Variants in PSD3 observed in about 807,000 individuals in gnomAD.
PSD3 encodes the protein pleckstrin and Sec7 domain containing 3.
Under a neutral mutation model 105.5 loss-of-function variants are expected in PSD3, and 49 were observed. The observed-to-expected ratio is 0.46, with a 90% CI of 0.37 to 0.59. The LOEUF (loss-of-function observed/expected upper bound fraction) is 0.59, where lower values mean the gene tolerates loss of function less well. Among genes scored for constraint, PSD3 ranks in the 20% least tolerant of loss-of-function variants. The pLI is 0.00. For missense variants in PSD3, 1,561 were observed against 1,263.8 expected, an observed-to-expected ratio of 1.24 and a Z score of -3.57; for synonymous variants, 557 against 457.8, an observed-to-expected ratio of 1.22 and a Z score of -2.77.
chr8:18,908,573 C>T (rs1339640761), intron 2 of PSD3, among the ~76,000 whole-genome samples: 1 of 152,198 alleles, frequency 6.6e-6, no homozygotes, highest in Admixed American at 6.5e-5. Context: ...TCCCTGACTT[C>T]CCGTTCTGAT....
chr8:18,961,576 G>A (rs1306120958), intron 1 of PSD3, among the ~76,000 whole-genome samples: 2 of 152,042 alleles, frequency 1.3e-5, no homozygotes, highest in East Asian at 1.9e-4. Flanking sequence ...TGTAATCCCA[G>A]CTACTCGCGA....
intron 4 of PSD3, among the ~76,000 whole-genome samples, chr8:18,860,514 A>C (rs1816359702): frequency 6.6e-6 from 1 of 152,114 alleles, no homozygotes. Flanking sequence ...CAATAAAATG[A>C]GGTTTGCCTG....
At chr8:18,942,412 T>G (rs1352067388) in intron 1 of PSD3, among the ~76,000 whole-genome samples, 1 of 152,104 alleles carries the variant, frequency 6.6e-6, no homozygotes, top group Admixed American at 6.6e-5. Flanking sequence ...ACAACTTAAG[T>G]GCAGACAGGG....
At chr8:18,859,662 GT>G (rs1816285719) in intron 4 of PSD3, among the ~76,000 whole-genome samples, 1 of 152,200 alleles carries the variant, frequency 6.6e-6, no homozygotes, top group African/African-American at 2.4e-5. Flanking sequence ...GCTTCGTCTA[GT>G]ACTTTTATGT....
At chr8:18,822,435 C>T (rs1259613803) in intron 4 of PSD3, among the ~76,000 whole-genome samples, 1 of 152,130 alleles carries the variant, frequency 6.6e-6, no homozygotes, top group Admixed American at 6.6e-5. Context: ...CCCTTCACCA[C>T]CCCCTAAGCT....
chr8:19,081,652 G>C (rs1317778104), intron 1 of PSD3, among the ~76,000 whole-genome samples: 1 of 152,314 alleles, frequency 6.6e-6, no homozygotes, highest in East Asian at 1.9e-4. Context: ...CCTGGTCATA[G>C]AACAAACTAA....
chr8:18,578,753 T>G (rs542125920), intron 12 of PSD3, among the ~76,000 whole-genome samples: 1 of 151,608 alleles, frequency 6.6e-6, no homozygotes, highest in South Asian at 2.1e-4. Context: ...AAAAATTTAA[T>G]GCTACATTTA....
chr8:18,896,436 C>G (rs1219434626), intron 2 of PSD3, among the ~76,000 whole-genome samples: 2 of 152,142 alleles, frequency 1.3e-5, no homozygotes, highest in African/African-American at 4.8e-5. Flanking sequence ...ATTTTTGAGA[C>G]AGGGTCTCGC....
At chr8:18,614,348 C>CA (rs1554522960) in intron 11 of PSD3, among the ~76,000 whole-genome samples, 2 of 150,724 alleles carry the variant, frequency 1.3e-5, no homozygotes, top group African/African-American at 4.9e-5. Context: ...CATCCCCCCC[C>CA]CAAAAAAATC....
At position 18,884,692 on chromosome 8, in the gene PSD3, A is replaced by G. The variant is rs542972536; in HGVS notation, c.131-11959T>C. ...GCTTCTAACGTGTGCACACGAACAG[A>G]AAATATTCCATTAATTGGACACTCT... On this transcript the variant is annotated intron_variant, in intron 2 of 15. Coordinates refer to ENST00000327040, the MANE Select transcript of PSD3 (RefSeq NM_015310.4). Among the ~76,000 whole-genome samples, 8 of 151,962 alleles carry G rather than the reference A, an allele frequency of 5.3e-5. No individual in the cohort carries two copies. In the East Asian group the frequency reaches 1.2e-3, roughly 22 times the overall value.
intron 15 of PSD3, among the ~76,000 whole-genome samples, chr8:18,555,931 T>C (rs951180001): frequency 3.3e-5 from 5 of 152,182 alleles, no homozygotes; most frequent in African/African-American, 1.2e-4. Context: ...CCTCTACTGT[T>C]CTTTTTCTTC....
intron 9 of PSD3, among the ~76,000 whole-genome samples, chr8:18,696,616 A>C (rs1801275455): frequency 6.6e-6 from 1 of 152,180 alleles, no homozygotes; most frequent in African/African-American, 2.4e-5. Flanking sequence ...AGAATTACAA[A>C]GGTCTTAGTA....
chr8:18,544,132 T>TGCTCCTA (rs1414364709), intron 15 of PSD3, among the ~76,000 whole-genome samples: 1 of 143,078 alleles, frequency 7.0e-6, no homozygotes, highest in Non-Finnish European at 1.5e-5. Flanking sequence ...CAATACACTT[T>TGCTCCTA]GCTCCTAGAT....
At chr8:18,846,746 C>T (rs1020217645) in intron 4 of PSD3, among the ~76,000 whole-genome samples, 4 of 152,308 alleles carry the variant, frequency 2.6e-5, no homozygotes, top group African/African-American at 9.6e-5. Flanking sequence ...CGACTGGTCT[C>T]AACTCCCTTT....
At position 18,791,768 on chromosome 8, in the gene PSD3, A is replaced by G. The variant is rs551974623; in HGVS notation, c.2082+7527T>C. Among the ~76,000 whole-genome samples, 25 of 152,342 alleles carry G rather than the reference A, an allele frequency of 1.6e-4. 1 individual carries two copies. The highest frequency in any genetic ancestry group is 5.0e-4 in the African/African-American group (21 of 41,586). ...CTGAACAGCTTCTGCAGAGCAAAAG[A>G]AAGTATCAGAGTCAACAGACAACCT... On this transcript the variant is annotated intron_variant, in intron 8 of 15. Transcript: ENST00000327040.
chr8:18,602,478 T>C (rs765907719), intron 11 of PSD3, among the ~76,000 whole-genome samples: 4 of 152,094 alleles, frequency 2.6e-5, no homozygotes, highest in African/African-American at 9.7e-5. Context: ...TTTGGCCAGT[T>C]ACAATTTAGT....
chr8:19,073,693 T>A (rs1248907196), intron 1 of PSD3, among the ~76,000 whole-genome samples: 1 of 152,050 alleles, frequency 6.6e-6, no homozygotes, highest in Non-Finnish European at 1.5e-5. Flanking sequence ...GGGTCACAAA[T>A]TTCTAAATGG....
intron 2 of PSD3, among the ~76,000 whole-genome samples, chr8:18,913,869 C>T (rs1352645881): frequency 6.6e-6 from 1 of 152,012 alleles, no homozygotes; most frequent in East Asian, 1.9e-4. Context: ...AACTCAGGCT[C>T]CTACCCCAAC....
intron 9 of PSD3, among the ~76,000 whole-genome samples, chr8:18,736,147 C>A (rs558392075): frequency 3.3e-5 from 5 of 152,152 alleles, no homozygotes; most frequent in Non-Finnish European, 7.4e-5. Flanking sequence ...CCTTATATAT[C>A]TCACGTAATT....
Sources: allele counts gnomAD v4.1 joint callset (sites outside exome capture counted in the v4.1 genomes callset), GRCh38; gene constraint gnomAD v4.1.1; transcripts MANE v1.5; gene names NCBI Gene and HGNC (gene_info 2026-07-23, HGNC 2026-07-21).